Variants in ASF1A observed in about 807,000 individuals in gnomAD.
ASF1A encodes histone chaperone ASF1A.
In ASF1A, 5 loss-of-function variants were observed where a neutral mutation model predicts 22.0. The ratio of observed to expected loss-of-function variants is 0.23; its 90% CI spans 0.12 to 0.48. ASF1A has a LOEUF of 0.48. ASF1A is among the 20% of genes least tolerant of loss of function. ASF1A has a pLI of 0.99. For missense variants in ASF1A, 137 were observed against 240.6 expected, an observed-to-expected ratio of 0.57 and a Z score of 2.85; for synonymous variants, 97 against 86.7, an observed-to-expected ratio of 1.12 and a Z score of -0.66.
At chr6:118,907,303 T>C (rs1246930745) in intron 3 of ASF1A, 99 bp from the exon 4 acceptor site, 2 of 771,886 alleles carry the variant, frequency 2.6e-6, no homozygotes, top group African/African-American at 1.7e-5. Flanking sequence ...CTTAGCCCTT[T>C]AGGAGTACTA....
intron 1 of ASF1A, among the ~76,000 whole-genome samples, chr6:118,894,765 C>G (rs1364094624): frequency 6.6e-6 from 1 of 152,216 alleles, no homozygotes; most frequent in Non-Finnish European, 1.5e-5. Flanking sequence ...GCGGAGGTAG[C>G]CATGTTGTCA....
intron 1 of ASF1A, among the ~76,000 whole-genome samples, chr6:118,896,142 C>A (rs1424257281): frequency 6.6e-6 from 1 of 151,120 alleles, no homozygotes; most frequent in Non-Finnish European, 1.5e-5. Flanking sequence ...TTCAAATAGG[C>A]CATTGATAAC....
intron 1 of ASF1A, among the ~76,000 whole-genome samples, chr6:118,895,721 A>AT (rs1290587843): frequency 6.6e-6 from 1 of 152,174 alleles, no homozygotes. Context: ...TCAGTGCTTC[A>AT]TTTGCCAGTT....
In ASF1A at chr6:118,894,400, G is replaced by GT. The variant is rs769955492; in HGVS notation, c.-7dup. On this transcript the variant is annotated 5_prime_UTR_variant, in exon 1 of 4. Coordinates refer to ENST00000229595, the MANE Select transcript of ASF1A (RefSeq NM_014034.3). ...ACCAGCCCCAGTTCCCATTGTTTGT[G>GT]TTTTTTTCAAAATATGGCAAAGGTT... is the stretch of plus-strand genomic sequence containing the variant. 31 of 1,536,790 alleles carry GT rather than the reference G, an allele frequency of 2.0e-5. No homozygotes were observed. Among genetic ancestry groups the GT allele is most frequent in the Admixed American group, 2.0e-5 (1 of 50,960 alleles).
At chr6:118,894,687 C>CGCGGCTTTCCGCCGCAGCCCAGGCGCCT (rs1779226485) in intron 1 of ASF1A, among the ~76,000 whole-genome samples, 165 bp downstream of exon 1, 1 of 152,254 alleles carries the variant, frequency 6.6e-6, no homozygotes, top group Non-Finnish European at 1.5e-5. Flanking sequence ...CCGAGGCGCG[C>CGCGGCTTTCCGCCGCAGCCCAGGCGCCT]GCGGCTTTCC....
intron 3 of ASF1A, 69 bp from the exon 4 acceptor site, chr6:118,907,333 G>A: frequency 9.0e-7 from 1 of 1,113,824 alleles, no homozygotes; most frequent in Non-Finnish European, 1.3e-6. Flanking sequence ...ATTTTATTAA[G>A]CTTCTATTTG....
chr6:118,901,142 T>C, intron 2 of ASF1A: 1 of 286,554 alleles, frequency 3.5e-6, no homozygotes. Flanking sequence ...TTATACTGTA[T>C]CATGGCACAC....
Position 118,894,518 on chromosome 6 carries a change from T to G in ASF1A, c.105T>G (p.Ser35=). The G allele has an allele frequency of 6.5e-7, 1 of 1,536,796 alleles. No individual in the cohort carries two copies. Among genetic ancestry groups the G allele is most frequent in the Non-Finnish European group, 8.7e-7 (1 of 1,146,526 alleles). ...EITFECIEDL[S]EDLEWKIIYV... is the part of the protein sequence containing the mutation. The stretch of plus-strand genomic sequence containing the variant: ...CCTTCGAGTGCATCGAGGACCTGTC[T>G]GAAGGTGAGTGCGGCGCCCGTGCGC... Residue 35 remains serine (S), a synonymous_variant, in exon 1 of 4, where the codon TCT becomes TCG. Transcript: ENST00000229595.
rs1205145507 is a variant in ASF1A at position 118,905,687 on chromosome 6, A to G, written c.261A>G (p.Ala87=). The change falls in exon 3 of 4, where the codon GCA becomes GCG. Residue 87 remains alanine (A), a synonymous_variant. Transcript: ENST00000229595. ...DAPNPGLIPD[A]DAVGVTVVLI... ...CTAATCCAGGACTCATTCCAGATGC[A>G]GATGCAGTAGGCGTAACTGTTGTGC... 1 of 1,613,282 alleles carries G rather than the reference A, an allele frequency of 6.2e-7. No individual in the cohort carries two copies. Among genetic ancestry groups the G allele is most frequent in the African/African-American group, 1.3e-5 (1 of 74,916 alleles).
chr6:118,905,956 C>T, intron 3 of ASF1A, 128 bp downstream of exon 3: 2 of 612,944 alleles, frequency 3.3e-6, no homozygotes, highest in Admixed American at 6.8e-5. Context: ...CTTATGCCAA[C>T]TGGGCAAACT....
At chr6:118,894,881 C>T (rs552838633) in intron 1 of ASF1A, among the ~76,000 whole-genome samples, 3 of 152,230 alleles carry the variant, frequency 2.0e-5, no homozygotes, top group East Asian at 1.9e-4. Flanking sequence ...CGCGACCCTC[C>T]GGGCCCGAGC....
At chr6:118,905,473 C>T (rs1432056265) in intron 2 of ASF1A, among the ~76,000 whole-genome samples, 179 bp from the exon 3 acceptor site, 2 of 152,192 alleles carry the variant, frequency 1.3e-5, no homozygotes, top group African/African-American at 4.8e-5. Flanking sequence ...AAAACATGAA[C>T]TGTCTTTTCC....
intron 1 of ASF1A, among the ~76,000 whole-genome samples, chr6:118,899,364 G>A (rs1426964693): frequency 6.6e-6 from 1 of 152,146 alleles, no homozygotes; most frequent in Non-Finnish European, 1.5e-5. Context: ...CATAGGGTTT[G>A]GTGCTTTCCT....
chr6:118,905,269 G>A (rs1013405828), intron 2 of ASF1A, among the ~76,000 whole-genome samples: 2 of 152,208 alleles, frequency 1.3e-5, no homozygotes, highest in Admixed American at 6.5e-5. Flanking sequence ...TCTATGAGGA[G>A]ATCATTTAAT....
chr6:118,898,130 T>C (rs1246467628), intron 1 of ASF1A, among the ~76,000 whole-genome samples: 1 of 152,166 alleles, frequency 6.6e-6, no homozygotes, highest in Non-Finnish European at 1.5e-5. Flanking sequence ...TTCTGATTCT[T>C]TGATGTACAA....
At chr6:118,894,545 C>G (rs1300720996) in intron 1 of ASF1A, 23 bp downstream of exon 1, 1 of 1,523,110 alleles carries the variant, frequency 6.6e-7, no homozygotes, top group Non-Finnish European at 8.8e-7. Context: ...CCCGTGCGCC[C>G]GGGCTGTCAG....
chr6:118,902,783 A>G (rs989132590), intron 2 of ASF1A, among the ~76,000 whole-genome samples: 1 of 152,246 alleles, frequency 6.6e-6, no homozygotes, highest in Non-Finnish European at 1.5e-5. Context: ...AAGGTTTTAC[A>G]GAATTCACCA....
intron 2 of ASF1A, among the ~76,000 whole-genome samples, chr6:118,902,633 A>C (rs1449174859): frequency 6.7e-6 from 1 of 150,296 alleles, no homozygotes; most frequent in Non-Finnish European, 1.5e-5. Flanking sequence ...GCATACTCCT[A>C]AGCTTTTGGC....
intron 1 of ASF1A, among the ~76,000 whole-genome samples, chr6:118,899,350 C>T (rs1345531846): frequency 2.0e-5 from 3 of 152,204 alleles, no homozygotes; most frequent in Non-Finnish European, 4.4e-5. Flanking sequence ...CCCTCATCCT[C>T]AATCATAGGG....
Sources: gnomAD v4.1 joint callset for allele counts (sites outside exome capture counted in the v4.1 genomes callset) on GRCh38, gnomAD v4.1.1 for gene constraint, MANE v1.5 for transcripts, NCBI Gene and HGNC (gene_info 2026-07-23, HGNC 2026-07-21) for gene names.